Variants in FRMD4B observed in about 807,000 individuals in gnomAD.
FRMD4B encodes FERM domain containing 4B, also known as FERM domain-containing protein 4B.
In FRMD4B, 74 loss-of-function variants were observed where a neutral mutation model predicts 141.5. The ratio of observed to expected loss-of-function variants is 0.52; its 90% confidence interval spans 0.43 to 0.63. FRMD4B has a LOEUF of 0.63. Among genes scored for constraint, FRMD4B ranks in the 30% least tolerant of loss-of-function variants. The pLI, the probability that FRMD4B is intolerant of heterozygous loss-of-function variation, is 0.00. For synonymous variants in FRMD4B, 506 were observed against 467.9 expected, an observed-to-expected ratio of 1.08 and a Z score of -1.05; for missense variants, 1,366 against 1,253.4, an observed-to-expected ratio of 1.09 and a Z score of -1.36.
intron 5 of FRMD4B, among the ~76,000 whole-genome samples, chr3:69,268,313 TAA>T (rs1374816187): frequency 6.6e-6 from 1 of 151,998 alleles, no homozygotes; most frequent in Non-Finnish European, 1.5e-5. Context: ...GCAGGCAGCC[TAA>T]ATAGGTCAGG....
At chr3:69,225,519 CAAAAAAA>C (rs35855787) in intron 7 of FRMD4B, among the ~76,000 whole-genome samples, 8 of 50,578 alleles carry the variant, frequency 1.6e-4, no homozygotes, top group South Asian at 2.3e-3. Context: ...ACTAAAAATA[CAAAAAAA>C]AAAAAAAAAA....
At chr3:69,370,865 G>GGAA (rs1430528631) in intron 1 of FRMD4B, among the ~76,000 whole-genome samples, 91 of 152,222 alleles carry the variant, frequency 6.0e-4, no homozygotes, top group Non-Finnish European at 2.9e-4. Flanking sequence ...GCTGGAGCAG[G>GGAA]CTTCTTAAAG....
chr3:69,363,007 C>T (rs1251774016), intron 1 of FRMD4B, among the ~76,000 whole-genome samples: 2 of 141,104 alleles, frequency 1.4e-5, no homozygotes, highest in African/African-American at 2.6e-5. Flanking sequence ...AAAAAAAAAA[C>T]AAACAAAAAG....
intron 11 of FRMD4B, among the ~76,000 whole-genome samples, chr3:69,202,907 A>G (rs2092983263): frequency 6.6e-6 from 1 of 152,184 alleles, no homozygotes. Flanking sequence ...CAAAGAGATA[A>G]TCAAGAAATT....
intron 1 of FRMD4B, among the ~76,000 whole-genome samples, chr3:69,502,710 C>T (rs1706519597): frequency 4.0e-5 from 6 of 150,340 alleles, no homozygotes; most frequent in Admixed American, 3.9e-4. Flanking sequence ...AGAGCTTCTG[C>T]ACAGCAAAAA....
chr3:69,277,203 C>A (rs1483896), intron 5 of FRMD4B, among the ~76,000 whole-genome samples: 143,705 of 152,176 alleles, frequency 0.94, 68,440 homozygotes, highest in East Asian at 1. Context: ...CTTACTAGAA[C>A]AGAAAAGGGA....
At chr3:69,318,244 G>C (rs952756351) in intron 1 of FRMD4B, among the ~76,000 whole-genome samples, 4 of 152,048 alleles carry the variant, frequency 2.6e-5, no homozygotes, top group Non-Finnish European at 5.9e-5. Flanking sequence ...CAAAGTATTG[G>C]GATTATAGAT....
chr3:69,466,593 C>A (rs563865402), intron 1 of FRMD4B, among the ~76,000 whole-genome samples: 66 of 152,272 alleles, frequency 4.3e-4, no homozygotes, highest in African/African-American at 1.5e-3. Context: ...ATTGTTGAAA[C>A]CTGCATGCTG....
At chr3:69,242,179 A>G (rs2093389535) in intron 7 of FRMD4B, among the ~76,000 whole-genome samples, 1 of 152,166 alleles carries the variant, frequency 6.6e-6, no homozygotes, top group Non-Finnish European at 1.5e-5. Flanking sequence ...CAGGTACATA[A>G]CAAGTGGCTG....
intron 1 of FRMD4B, among the ~76,000 whole-genome samples, chr3:69,476,392 C>G (rs1033548168): frequency 5.3e-5 from 8 of 151,998 alleles, no homozygotes; most frequent in Non-Finnish European, 7.4e-5. Flanking sequence ...AAGGTGTAAG[C>G]AAGGGATCCA....
At chr3:69,197,898 G>A (rs1251988214) in intron 12 of FRMD4B, 1 of 152,306 alleles carries the variant, frequency 6.6e-6, no homozygotes, top group Admixed American at 6.5e-5. Context: ...GCGGAGACGG[G>A]CGGATCACCT....
chr3:69,359,518 T>C (rs1333881977), intron 1 of FRMD4B, among the ~76,000 whole-genome samples: 1 of 152,234 alleles, frequency 6.6e-6, no homozygotes, highest in Non-Finnish European at 1.5e-5. Flanking sequence ...CAGGATCACA[T>C]GTTTTAGCAG....
intron 1 of FRMD4B, among the ~76,000 whole-genome samples, chr3:69,382,727 C>CTT (rs5849898): frequency 7.5e-6 from 1 of 133,104 alleles, no homozygotes; most frequent in Non-Finnish European, 1.6e-5. Flanking sequence ...TAAACTGGGA[C>CTT]TTTTTTTTTT....
chr3:69,454,220 TACTC>T (rs886746587), intron 1 of FRMD4B, among the ~76,000 whole-genome samples: 1 of 152,224 alleles, frequency 6.6e-6, no homozygotes, highest in Non-Finnish European at 1.5e-5. Flanking sequence ...TAGAAGGAGA[TACTC>T]ACTCCCTGAC....
chr3:69,289,010 C>T (rs961297670), intron 4 of FRMD4B, among the ~76,000 whole-genome samples: 7 of 152,108 alleles, frequency 4.6e-5, no homozygotes, highest in Admixed American at 3.3e-4. Context: ...AACGGAAGTT[C>T]CAGAAAGAGA....
At chr3:69,182,505 T>C in intron 20 of FRMD4B, 93 bp downstream of exon 20, 1 of 1,204,742 alleles carries the variant, frequency 8.3e-7, no homozygotes, top group Admixed American at 2.7e-5. Flanking sequence ...CTACAGAAAG[T>C]CACTTGAAAT....
intron 1 of FRMD4B, among the ~76,000 whole-genome samples, chr3:69,475,955 A>G (rs1339155986): frequency 3.3e-5 from 5 of 151,690 alleles, no homozygotes; most frequent in Non-Finnish European, 7.4e-5. Flanking sequence ...TCTGATGGCC[A>G]GTGATGATGA....
intron 1 of FRMD4B, among the ~76,000 whole-genome samples, chr3:69,541,997 G>C (rs967021924): frequency 2.6e-5 from 4 of 152,014 alleles, no homozygotes; most frequent in South Asian, 2.1e-4. Context: ...GCCGTGCCAA[G>C]TGCCCCAGGG....
intron 1 of FRMD4B, among the ~76,000 whole-genome samples, chr3:69,364,780 A>C (rs916087268): frequency 6.6e-6 from 1 of 152,236 alleles, no homozygotes; most frequent in African/African-American, 2.4e-5. Context: ...TGGCCAAAGA[A>C]GCTCAAAAAC....
Sources: allele counts gnomAD v4.1 joint callset (sites outside exome capture counted in the v4.1 genomes callset), GRCh38; gene constraint gnomAD v4.1.1; transcripts MANE v1.5; gene names NCBI Gene and HGNC (gene_info 2026-07-23, HGNC 2026-07-21).